The following PRELID2 variants were observed in gnomAD, a reference collection of about 807,000 sequenced individuals.
The protein encoded by PRELID2 is PRELI domain containing 2, also known as PRELI domain-containing protein 2.
Under a neutral mutation model 28.4 loss-of-function variants are expected in PRELID2, and 25 were observed. The observed-to-expected ratio is 0.88, with a 90% confidence interval of 0.64 to 1.23. The LOEUF is 1.23. Among genes scored for constraint, PRELID2 ranks in the 50% most tolerant of loss-of-function variants. The pLI is 0.00. For synonymous variants in PRELID2, 76 were observed against 71.6 expected, an observed-to-expected ratio of 1.06 and a Z score of -0.31; for missense variants, 201 against 214.4, an observed-to-expected ratio of 0.94 and a Z score of 0.39.
rs1449907626 is a variant in PRELID2, at chr5:145,741,953, TA to T, written n.70+22977del. On this transcript the variant is annotated intron_variant and non_coding_transcript_variant, in intron 1 of 2. Transcript: ENST00000510259. ...ATTTATTATAAATAAATAAATTTATTATAATTAAATAAATAAATTTATTTAA... is the reference window on the plus strand; with the variant it reads ...ATTTATTATAAATAAATAAATTTATTTAATTAAATAAATAAATTTATTTAA... Among the ~76,000 whole-genome samples, 25 of 4,948 alleles carry T rather than the reference TA, an allele frequency of 5.1e-3. No individual in the cohort carries two copies. In the East Asian group the frequency reaches 0.081, roughly 16 times the overall value. 3.2% of individuals were successfully genotyped at this position (4,948 alleles called of 152,430 possible). A position where few individuals can be genotyped will look rare whatever the true frequency, so the allele number is the denominator to read the frequency against.
intron 1 of PRELID2, among the ~76,000 whole-genome samples, chr5:145,537,818 G>T (rs1752712485): frequency 6.6e-6 from 1 of 151,418 alleles, no homozygotes; most frequent in Admixed American, 6.6e-5. Context: ...AGTTTTCTTT[G>T]CTGTGCAAAA....
intron 1 of PRELID2, among the ~76,000 whole-genome samples, chr5:145,649,774 A>G (rs1754257816): frequency 6.6e-6 from 1 of 152,154 alleles, no homozygotes; most frequent in Non-Finnish European, 1.5e-5. Context: ...TTTTCCATCA[A>G]ACTTCTACAT....
chr5:145,425,073 A>AAG, the PRELID2 span, among the ~76,000 whole-genome samples: 1 of 151,834 alleles, frequency 6.6e-6, no homozygotes, highest in African/African-American at 2.4e-5. Context: ...TGTACAAGAA[A>AAG]AAAAAACATT....
At chr5:145,726,912 T>C (rs2149722576) in intron 1 of PRELID2, among the ~76,000 whole-genome samples, 1 of 152,272 alleles carries the variant, frequency 6.6e-6, no homozygotes, top group East Asian at 1.9e-4. Context: ...AACATTTCAT[T>C]GTGGTAGCGT....
the PRELID2 span, among the ~76,000 whole-genome samples, chr5:145,253,291 G>A: frequency 6.6e-6 from 1 of 152,078 alleles, no homozygotes; most frequent in Non-Finnish European, 1.5e-5. Context: ...ACCATAGAGT[G>A]GAAGAAGTTA....
At chr5:145,609,014 C>A (rs1418472228) in intron 1 of PRELID2, among the ~76,000 whole-genome samples, 5 of 152,158 alleles carry the variant, frequency 3.3e-5, no homozygotes, top group Admixed American at 1.3e-4. Context: ...AACTGATCTT[C>A]AAGCTCTGAG....
downstream of PRELID2, among the ~76,000 whole-genome samples, chr5:145,752,098 C>A (rs1449150034): frequency 3.3e-5 from 5 of 152,092 alleles, no homozygotes; most frequent in African/African-American, 1.2e-4. Flanking sequence ...GCAATACCCC[C>A]CAGAAGGAGG....
At chr5:145,437,620 T>C in the PRELID2 span, among the ~76,000 whole-genome samples, 5 of 152,228 alleles carry the variant, frequency 3.3e-5, no homozygotes, top group Admixed American at 1.3e-4. Flanking sequence ...AGGACACATA[T>C]GAGAACCTTG....
chr5:145,315,896 A>G, the PRELID2 span, among the ~76,000 whole-genome samples: 1 of 152,220 alleles, frequency 6.6e-6, no homozygotes, highest in Non-Finnish European at 1.5e-5. Context: ...ACAATTTTGT[A>G]TATTGTCATA....
chr5:145,733,802 C>T (rs527237467), intron 1 of PRELID2, among the ~76,000 whole-genome samples: 1 of 152,254 alleles, frequency 6.6e-6, no homozygotes, highest in South Asian at 2.1e-4. Flanking sequence ...GATGTCCATG[C>T]CCTAATCCTT....
At chr5:145,234,447 T>C in the PRELID2 span, among the ~76,000 whole-genome samples, 4 of 152,120 alleles carry the variant, frequency 2.6e-5, no homozygotes, top group African/African-American at 7.2e-5. Flanking sequence ...ATGTCAGTCA[T>C]TAGTCTCTGC....
At chr5:145,828,857 G>GCA (rs1755392025) in intron 1 of PRELID2, among the ~76,000 whole-genome samples, 1 of 30,826 alleles carries the variant, frequency 3.2e-5, no homozygotes, top group African/African-American at 1.4e-4. Flanking sequence ...TTTTTTTTTT[G>GCA]AGACTGGGTC....
chr5:145,390,495 G>T, the PRELID2 span, among the ~76,000 whole-genome samples: 1 of 152,102 alleles, frequency 6.6e-6, no homozygotes, highest in Non-Finnish European at 1.5e-5. Context: ...CAGATATCAT[G>T]AGAATTTGAG....
intron 1 of PRELID2, among the ~76,000 whole-genome samples, chr5:145,618,013 G>A (rs113312475): frequency 0.035 from 5,328 of 152,246 alleles, 282 homozygotes; most frequent in African/African-American, 0.12. Flanking sequence ...GATTACAGAT[G>A]TGAGCCACCA....
chr5:145,803,956 C>T (rs1753324046), intron 4 of PRELID2, among the ~76,000 whole-genome samples: 1 of 152,098 alleles, frequency 6.6e-6, no homozygotes, highest in South Asian at 2.1e-4. Flanking sequence ...TCCTGTCCCA[C>T]CCTGCTACCA....
intron 1 of PRELID2, among the ~76,000 whole-genome samples, chr5:145,579,250 AATT>A (rs759273863): frequency 2.4e-4 from 37 of 152,222 alleles, no homozygotes; most frequent in Non-Finnish European, 4.9e-4. Flanking sequence ...ACTAATTGAT[AATT>A]TAGAAACTTC....
chr5:145,275,592 A>G, the PRELID2 span, among the ~76,000 whole-genome samples: 1 of 152,132 alleles, frequency 6.6e-6, no homozygotes, highest in Non-Finnish European at 1.5e-5. Flanking sequence ...TTGTGCAATG[A>G]GTATGGAGCC....
rs576338488 is a variant in PRELID2, at chr5:145,759,765, T to C, written c.*771A>G. 1 of 152,360 alleles carries C rather than the reference T, an allele frequency of 6.6e-6. No homozygotes were observed. The highest frequency in any genetic ancestry group is 2.4e-5 in the African/African-American group (1 of 41,588). 9.4% of individuals were successfully genotyped at this position (152,360 alleles called of 1,614,324 possible). Reference sequence around the variant, plus strand: ...CATAACGCATTGGCGGAAAGACCTGTGCCTGATTATCCCCATTTGCCCAAT... The same window carrying C: ...CATAACGCATTGGCGGAAAGACCTGCGCCTGATTATCCCCATTTGCCCAAT... On this transcript the variant is annotated 3_prime_UTR_variant, in exon 7 of 7. Transcript: ENST00000683046.
rs529154788 is a variant in PRELID2, at chr5:145,798,987, C to A, written c.369-2440G>T. Among the ~76,000 whole-genome samples, 163 of 151,444 alleles carry A rather than the reference C, an allele frequency of 1.1e-3. 1 individual carries two copies. The highest frequency in any genetic ancestry group is 1.5e-3 in the Non-Finnish European group (101 of 67,908). On this transcript the variant is annotated intron_variant, in intron 4 of 6. Transcript: ENST00000683046. ...TGTATACCTATGCATCAAACCTGCA[C>A]GTTGTGCACATGTACCCTAGAACTT...
Sources: allele counts gnomAD v4.1 joint callset (sites outside exome capture counted in the v4.1 genomes callset), GRCh38; gene constraint gnomAD v4.1.1; transcripts MANE v1.5; gene names NCBI Gene and HGNC (gene_info 2026-07-23, HGNC 2026-07-21).